The following RIC1 variants were observed in gnomAD, a reference collection of about 807,000 sequenced individuals.
RIC1 encodes RIC1 partner of RAB6A GEF complex.
A neutral mutation model predicts 169.0 loss-of-function variants in RIC1; 88 were observed. The observed-to-expected ratio is 0.52, with a 90% CI of 0.44 to 0.62. RIC1 has a LOEUF of 0.62. Among genes scored for constraint, RIC1 ranks in the 20% least tolerant of loss-of-function variants. RIC1 has a pLI of 0.00. For missense variants in RIC1, 1,877 were observed against 1,725.5 expected, an observed-to-expected ratio of 1.09 and a Z score of -1.56; for synonymous variants, 790 against 601.5, an observed-to-expected ratio of 1.31 and a Z score of -4.59.
intron 3 of RIC1, among the ~76,000 whole-genome samples, chr9:5,695,024 A>G (rs1192166790): frequency 6.6e-6 from 1 of 152,192 alleles, no homozygotes; most frequent in African/African-American, 2.4e-5. Flanking sequence ...GGTGATAAGT[A>G]AAATACATTA....
chr9:5,713,815 CTTTA>C (rs1478403658), intron 3 of RIC1, 77 bp from the exon 4 acceptor site: 9 of 799,906 alleles, frequency 1.1e-5, no homozygotes, highest in Middle Eastern at 2.4e-4. Context: ...ATTTCATTTA[CTTTA>C]TTTGATTGTA....
At chr9:5,687,204 G>C (rs188931909) in intron 2 of RIC1, among the ~76,000 whole-genome samples, 1 of 152,134 alleles carries the variant, frequency 6.6e-6, no homozygotes. Flanking sequence ...ATTTCTGTTA[G>C]TGGCTCTTTT....
chr9:5,687,597 T>G (rs2130693821), intron 2 of RIC1, among the ~76,000 whole-genome samples: 1 of 152,294 alleles, frequency 6.6e-6, no homozygotes, highest in Admixed American at 6.5e-5. Flanking sequence ...AAGTATGCAG[T>G]TAAGCTTCAA....
rs1453915023 is a variant in RIC1 at position 5,769,090 on chromosome 9, G to A, written c.3258G>A (p.Leu1086=). ...LKDLGCFAAQ[L]GFELISWLCK... ...ACCTTGGCTGCTTTGCAGCCCAGCTGGGCTTTGAACTAATTAGTTGGCTAT... is the reference window on the plus strand; with the variant it reads ...ACCTTGGCTGCTTTGCAGCCCAGCTAGGCTTTGAACTAATTAGTTGGCTAT... Residue 1086 remains leucine, a synonymous_variant, in exon 22 of 26, where the codon CTG becomes CTA. Coordinates refer to ENST00000414202, the MANE Select transcript of RIC1 (RefSeq NM_020829.4). 8.7e-6 allele frequency: 14 copies of A among 1,614,090 alleles called. No individual in the cohort carries two copies. Among genetic ancestry groups the A allele is most frequent in the Middle Eastern group, 3.3e-4 (2 of 6,062 alleles).
chr9:5,713,187 G>C (rs1468209911), intron 3 of RIC1: 3 of 152,184 alleles, frequency 2.0e-5, no homozygotes, highest in African/African-American at 7.2e-5. Flanking sequence ...GTGAGAGACA[G>C]ATAACTGTTA....
At chr9:5,738,390 T>C in intron 7 of RIC1, 60 bp from the exon 8 acceptor site, 3 of 1,170,410 alleles carry the variant, frequency 2.6e-6, no homozygotes, top group Non-Finnish European at 3.7e-6. Flanking sequence ...AGTTCTATAA[T>C]GCTTTTTCTA....
chr9:5,678,075 C>T (rs1351588355), intron 2 of RIC1, among the ~76,000 whole-genome samples: 4 of 151,748 alleles, frequency 2.6e-5, no homozygotes, highest in Admixed American at 2.6e-4. Context: ...TCAATTCCCA[C>T]CTATGAGTGA....
At chr9:5,753,427 T>C (rs1825833430) in intron 13 of RIC1, 109 bp from the exon 14 acceptor site, 2 of 820,846 alleles carry the variant, frequency 2.4e-6, no homozygotes, top group African/African-American at 1.7e-5. Flanking sequence ...AATATTTAAT[T>C]AGCAAACATT....
At position 5,656,571 on chromosome 9, in the gene RIC1, T is replaced by C; in HGVS notation, c.145-12T>C. ...TAAAAAATACAACTTTTTTTTTTTT[T>C]TAATCACACAGCCTAGTGTGTTAAT... On this transcript the variant is annotated splice_polypyrimidine_tract_variant and intron_variant, in intron 1 of 25. Transcript: ENST00000414202. 2.2e-6 allele frequency: 3 copies of C among 1,395,072 alleles called. No individual in the cohort carries two copies. Among genetic ancestry groups the C allele is most frequent in the Middle Eastern group, 3.7e-4 (2 of 5,390 alleles). 86.4% of individuals were successfully genotyped at this position (1,395,072 alleles called of 1,614,324 possible). A position where few individuals can be genotyped will look rare whatever the true frequency, so the allele number is the denominator to read the frequency against.
chr9:5,748,264 G>T (rs1446070753), intron 12 of RIC1, among the ~76,000 whole-genome samples: 1 of 152,066 alleles, frequency 6.6e-6, no homozygotes, highest in Non-Finnish European at 1.5e-5. Context: ...CTTTTAGTCA[G>T]TTTCTGTTTC....
intron 1 of RIC1, among the ~76,000 whole-genome samples, chr9:5,640,904 A>G (rs1017051870): frequency 1.3e-5 from 2 of 151,946 alleles, no homozygotes; most frequent in Admixed American, 6.5e-5. Flanking sequence ...TTTTTTTGTC[A>G]GCACTTTCAA....
intron 11 of RIC1, 52 bp from the exon 12 acceptor site, chr9:5,747,250 G>T: frequency 7.0e-7 from 1 of 1,426,122 alleles, no homozygotes; most frequent in Middle Eastern, 1.8e-4. Context: ...ATATTGAGTT[G>T]TTTTTATTTG....
At chr9:5,761,809 G>A (rs753570056) in intron 17 of RIC1, among the ~76,000 whole-genome samples, 40 of 152,312 alleles carry the variant, frequency 2.6e-4, no homozygotes, top group Non-Finnish European at 4.0e-4. Flanking sequence ...TTTAAGTTGC[G>A]TGATAGGGCT....
At chr9:5,716,336 G>A (rs1486020818) in intron 4 of RIC1, among the ~76,000 whole-genome samples, 5 of 152,128 alleles carry the variant, frequency 3.3e-5, no homozygotes, top group Admixed American at 6.5e-5. Flanking sequence ...GGCTGGGCAC[G>A]GTGGCTCATG....
rs143881950 is a variant in RIC1 at position 5,716,672 on chromosome 9, A to G, written c.440+2669A>G. ...AGACATGGGTTATTAGTTATCGAAC[A>G]GGGTTCTGACATCGCCCTACTACGC... On this transcript the variant is annotated intron_variant, in intron 4 of 25. Coordinates refer to ENST00000414202, the MANE Select transcript of RIC1 (RefSeq NM_020829.4). Among the ~76,000 whole-genome samples, 171 of 152,346 alleles carry G rather than the reference A, an allele frequency of 1.1e-3. 1 individual carries two copies. In the East Asian group the frequency reaches 0.019, roughly 17 times the overall value.
Position 5,772,960 on chromosome 9 carries a change from G to C in RIC1, c.3863G>C (p.Arg1288Thr). Residue 1288 changes from arginine to threonine, a missense_variant, in exon 25 of 26, where the codon AGA becomes ACA. By Grantham distance (71) the Arg-to-Thr change is moderately conservative. Transcript: ENST00000414202. ...DWCIVIGLILRESSIINQILV... is the reference protein window; with the variant it reads ...DWCIVIGLILTESSIINQILV... Reference sequence around the variant, plus strand: ...TGCATCGTTATAGGCCTGATTCTTAGAGAATCCTCAATAATCAATCAGATT... The same window carrying C: ...TGCATCGTTATAGGCCTGATTCTTACAGAATCCTCAATAATCAATCAGATT... The C allele has an allele frequency of 6.2e-7, 1 of 1,613,502 alleles. No individual in the cohort carries two copies. Among genetic ancestry groups the C allele is most frequent in the Non-Finnish European group, 8.5e-7 (1 of 1,179,570 alleles).
intron 2 of RIC1, among the ~76,000 whole-genome samples, chr9:5,675,966 C>G (rs1298849141): frequency 6.6e-6 from 1 of 152,206 alleles, no homozygotes; most frequent in Non-Finnish European, 1.5e-5. Flanking sequence ...TCTAATCTAA[C>G]CCCCATCTTG....
intron 1 of RIC1, among the ~76,000 whole-genome samples, chr9:5,648,582 T>C (rs1818647613): frequency 6.6e-6 from 1 of 152,198 alleles, no homozygotes; most frequent in South Asian, 2.1e-4. Context: ...TATTTTTACT[T>C]TTCGAGAAAT....
intron 3 of RIC1, among the ~76,000 whole-genome samples, chr9:5,702,446 C>T (rs1276608104): frequency 6.6e-6 from 1 of 152,198 alleles, no homozygotes; most frequent in Admixed American, 6.5e-5. Context: ...AAGCAGGCAC[C>T]TCTTACACGG....
Sources: gnomAD v4.1 joint callset for allele counts (sites outside exome capture counted in the v4.1 genomes callset) on GRCh38, gnomAD v4.1.1 for gene constraint, MANE v1.5 for transcripts, NCBI Gene and HGNC (gene_info 2026-07-23, HGNC 2026-07-21) for gene names.